CUX2: variants seen among roughly 807,000 people sequenced by gnomAD.
CUX2 encodes cut like homeobox 2.
CUX2 carries 40 observed loss-of-function variants against 144.8 expected under a neutral mutation model. The observed-to-expected ratio is 0.28, with a 90% CI of 0.21 to 0.36. The LOEUF is 0.36. Among genes scored for constraint, CUX2 ranks in the 10% least tolerant of loss-of-function variants. The pLI is 1.00. For synonymous variants in CUX2, 827 were observed against 875.6 expected, an observed-to-expected ratio of 0.94 and a Z score of 0.98; for missense variants, 1,615 against 1,994.0, an observed-to-expected ratio of 0.81 and a Z score of 3.62.
chr12:111,060,651 A>G (rs1299561743), intron 1 of CUX2, among the ~76,000 whole-genome samples: 1 of 152,226 alleles, frequency 6.6e-6, no homozygotes, highest in Non-Finnish European at 1.5e-5. Context: ...GCTGGAACCC[A>G]GTAGGAAGCA....
In CUX2 at chr12:111,335,340, C is replaced by A. The variant is rs151153300; in HGVS notation, c.3196+630C>A. 9.2e-3 allele frequency among the ~76,000 whole-genome samples: 1,398 copies of A among 152,188 alleles called. 28 individuals are homozygous for A. The highest frequency in any genetic ancestry group is 0.032 in the African/African-American group (1,332 of 41,516). On this transcript the variant is annotated intron_variant, in intron 19 of 21. Transcript: ENST00000261726. ...CCTGGGAGGCAGAGGTTGCAGTGAGCCGAGATCACACCACTGCACTCTAGC... is the reference window on the plus strand; with the variant it reads ...CCTGGGAGGCAGAGGTTGCAGTGAGACGAGATCACACCACTGCACTCTAGC...
chr12:111,065,164 T>C (rs1402359563), intron 1 of CUX2, among the ~76,000 whole-genome samples: 1 of 152,236 alleles, frequency 6.6e-6, no homozygotes, highest in African/African-American at 2.4e-5. Flanking sequence ...GCAGAAGTCA[T>C]CCAGATAGCA....
chr12:111,119,649 AG>A (rs1331168789), intron 1 of CUX2, among the ~76,000 whole-genome samples: 3 of 152,206 alleles, frequency 2.0e-5, no homozygotes, highest in Non-Finnish European at 4.4e-5. Flanking sequence ...TTTCAAGGGG[AG>A]GATCCCATGA....
rs1016827997 is a variant in CUX2 at position 111,255,227 on chromosome 12, C to G, written c.223-8534C>G. Among the ~76,000 whole-genome samples the G allele has an allele frequency of 2.0e-5, 3 of 152,138 alleles. No individual in the cohort carries two copies. The highest frequency in any genetic ancestry group is 7.2e-5 in the African/African-American group (3 of 41,432). The stretch of plus-strand genomic sequence containing the variant: ...ACCCCTGGGTGACCCTCCAGAGGGC[C>G]AGAGAGGGTCTCCAATTTCTGCCCC... On this transcript the variant is annotated intron_variant, in intron 3 of 21. Coordinates refer to ENST00000261726, the MANE Select transcript of CUX2 (RefSeq NM_015267.4). The surrounding 1 kb of genome is among the most constrained non-coding windows in gnomAD (Gnocchi z 4.1).
At chr12:111,155,900 C>T (rs1466845521) in intron 1 of CUX2, among the ~76,000 whole-genome samples, 2 of 151,134 alleles carry the variant, frequency 1.3e-5, no homozygotes, top group Non-Finnish European at 2.9e-5. Flanking sequence ...GGAACACATC[C>T]CTGCCTGAAA....
Position 111,069,533 on chromosome 12 carries a change from T to TGTGTGTGTGTGTGTGCGCGCGC in CUX2, c.63+35308_63+35309insCGCGCGCGTGTGTGTGTGTGTG, listed in dbSNP as rs1555266236. The stretch of plus-strand genomic sequence containing the variant: ...CAAAGCCTTGCTCTGTGTGTGTGTG[T>TGTGTGTGTGTGTGTGCGCGCGC]GTGTGTGTGTGTGTGTGTGCGCGCG... On this transcript the variant is annotated intron_variant, in intron 1 of 21. Transcript: ENST00000261726. 1.5e-4 allele frequency among the ~76,000 whole-genome samples: 22 copies of TGTGTGTGTGTGTGTGCGCGCGC among 148,264 alleles called. No homozygotes were observed. The South Asian group carries it at 1.8e-3, about 12-fold the overall frequency.
chr12:111,213,367 T>C (rs1881336899), intron 1 of CUX2, among the ~76,000 whole-genome samples: 1 of 152,022 alleles, frequency 6.6e-6, no homozygotes, highest in Admixed American at 6.6e-5. Flanking sequence ...TCAAGAGGGG[T>C]GATCAAATAT....
At position 111,298,627 on chromosome 12, in the gene CUX2, C is replaced by T. The variant is rs373751946; in HGVS notation, c.753+38C>T. 1.3e-3 allele frequency: 2,076 copies of T among 1,548,550 alleles called. 25 individuals are homozygous for T. In the Middle Eastern group the frequency reaches 0.038, roughly 29 times the overall value. The stretch of plus-strand genomic sequence containing the variant: ...AGTTCCCACCCGTGGGTGCCAGAGG[C>T]TCCCTCTGCCTGGGGTGGGGGTCTC... On this transcript the variant is annotated intron_variant, in intron 9 of 21. Transcript: ENST00000261726.
At chr12:111,116,686 A>G (rs1874325723) in intron 1 of CUX2, among the ~76,000 whole-genome samples, 2 of 152,192 alleles carry the variant, frequency 1.3e-5, no homozygotes, top group South Asian at 4.1e-4. Flanking sequence ...AAGAGACCAG[A>G]GATAGTTTAC....
At chr12:111,083,432 A>G (rs969804832) in intron 1 of CUX2, among the ~76,000 whole-genome samples, 10 of 152,108 alleles carry the variant, frequency 6.6e-5, no homozygotes. Context: ...CCAAGGACAG[A>G]TGGGAAGGGA....
chr12:111,103,409 G>A (rs2136071960), intron 1 of CUX2, among the ~76,000 whole-genome samples: 1 of 152,332 alleles, frequency 6.6e-6, no homozygotes, highest in Middle Eastern at 3.4e-3. Context: ...AAACTGAGAT[G>A]CTATCTCTCA....
Position 111,149,855 on chromosome 12 carries a change from C to T in CUX2, c.64-64345C>T, listed in dbSNP as rs529799072. Among the ~76,000 whole-genome samples the T allele has an allele frequency of 2.0e-5, 3 of 152,324 alleles. No homozygotes were observed. In the East Asian group the frequency reaches 5.8e-4, roughly 29 times the overall value. On this transcript the variant is annotated intron_variant, in intron 1 of 21. Transcript: ENST00000261726. ...TTGGCCTAGGCTAGGCACACCCTTA[C>T]TTGTAGCCTGAACAGTTTTTCATTT...
intron 1 of CUX2, among the ~76,000 whole-genome samples, chr12:111,196,855 A>C (rs774093717): frequency 1.3e-5 from 2 of 152,194 alleles, no homozygotes; most frequent in Non-Finnish European, 2.9e-5. Flanking sequence ...GTTCAGGATC[A>C]CCACTCAGTA....
intron 1 of CUX2, among the ~76,000 whole-genome samples, chr12:111,146,638 C>T (rs189131205): frequency 6.6e-6 from 1 of 152,188 alleles, no homozygotes; most frequent in African/African-American, 2.4e-5. Flanking sequence ...GGGTTAGTAA[C>T]GTGTATTTGA....
Position 111,338,435 on chromosome 12 carries a change from G to A in CUX2, c.3346G>A (p.Val1116Met), listed in dbSNP as rs763295415. Reference sequence around the variant, plus strand: ...GCTGTGGCTCAATGACCCCCATAACGTGGAGAAGCTGAGGGATATGAAGAA... The same window carrying A: ...GCTGTGGCTCAATGACCCCCATAACATGGAGAAGCTGAGGGATATGAAGAA... The part of the protein sequence containing the change: ...MQLWLNDPHN[V>M]EKLRDMKKLE... The change falls in exon 20 of 22, where the codon GTG becomes ATG. Residue 1116 changes from valine to methionine, a missense_variant. Around this residue, in one of 12 missense-constraint regions of CUX2, gnomAD observed 131 missense variants for 223.1 expected, o/e 0.59. Coordinates refer to ENST00000261726, the MANE Select transcript of CUX2 (RefSeq NM_015267.4). 4 of 1,613,898 alleles carry A rather than the reference G, an allele frequency of 2.5e-6. No homozygotes were observed. The highest frequency in any genetic ancestry group is 3.4e-6 in the Non-Finnish European group (4 of 1,179,886).
Position 111,057,916 on chromosome 12 carries a change from C to G in CUX2, c.63+23676C>G, listed in dbSNP as rs989787950. Among the ~76,000 whole-genome samples the G allele has an allele frequency of 1.3e-5, 2 of 152,122 alleles. No individual in the cohort carries two copies. The highest frequency in any genetic ancestry group is 3.8e-4 in the East Asian group (2 of 5,202). ...GGGTAATGACTGAACGCGCTAACTC[C>G]GTTAGCAGCCCTGGAAGCATGTAAT... On this transcript the variant is annotated intron_variant, in intron 1 of 21. Coordinates refer to ENST00000261726, the MANE Select transcript of CUX2 (RefSeq NM_015267.4). This position sits in a 1 kb window ranked among gnomAD's most constrained non-coding sequence, Gnocchi z 5.1.
At chr12:111,133,557 A>G (rs536820069) in intron 1 of CUX2, among the ~76,000 whole-genome samples, 9 of 152,196 alleles carry the variant, frequency 5.9e-5, no homozygotes, top group South Asian at 4.2e-4. Flanking sequence ...TGATTCAGTT[A>G]CCTCCCTTTG....
chr12:111,161,917 G>T (rs952977190), intron 1 of CUX2, among the ~76,000 whole-genome samples: 1 of 152,102 alleles, frequency 6.6e-6, no homozygotes, highest in African/African-American at 2.4e-5. Flanking sequence ...GTATTTTTCT[G>T]TAGAGACAGG....
intron 1 of CUX2, among the ~76,000 whole-genome samples, chr12:111,121,479 C>G (rs1329886081): frequency 7.1e-6 from 1 of 141,570 alleles, no homozygotes; most frequent in Non-Finnish European, 1.5e-5. Flanking sequence ...TGGGTTCATG[C>G]GATTCTCATG....
Sources: gnomAD v4.1 joint callset for allele counts (sites outside exome capture counted in the v4.1 genomes callset) on GRCh38, gnomAD v4.1.1 for gene constraint, gnomAD v4.1.1 regional missense constraint, Gnocchi (gnomAD v3.1) non-coding constraint, MANE v1.5 for transcripts, NCBI Gene and HGNC (gene_info 2026-07-23, HGNC 2026-07-21) for gene names.